Variants in PHF20L1 observed in about 807,000 individuals in gnomAD.
PHF20L1 encodes PHD finger protein 20 like 1, also known as PHD finger protein 20-like protein 1.
Under a neutral mutation model 125.5 loss-of-function variants are expected in PHF20L1, and 44 were observed. That is an observed-to-expected ratio of 0.35 (90% CI 0.28 to 0.45). The LOEUF is 0.45. Among genes scored for constraint, PHF20L1 ranks in the 20% least tolerant of loss-of-function variants. The pLI, the probability that PHF20L1 is intolerant of heterozygous loss-of-function variation, is 1.00. For synonymous variants in PHF20L1, 380 were observed against 403.1 expected (o/e 0.94, Z 0.69); for missense variants, 1,012 against 1,217.2 (o/e 0.83, Z 2.51).
At chr8:132,797,712 C>T (rs1162645141) in intron 4 of PHF20L1, among the ~76,000 whole-genome samples, 1 of 151,454 alleles carries the variant, frequency 6.6e-6, no homozygotes, top group Admixed American at 6.6e-5. Flanking sequence ...CAACGTTAGG[C>T]TAATTATAGA....
chr8:132,813,525 A>C (rs1264969924), intron 9 of PHF20L1, among the ~76,000 whole-genome samples: 1 of 152,002 alleles, frequency 6.6e-6, no homozygotes, highest in African/African-American at 2.4e-5. Flanking sequence ...CATATTCCAG[A>C]GAACTGCAGA....
intron 8 of PHF20L1, chr8:132,809,501 A>C (rs540784611): frequency 6.6e-6 from 1 of 152,170 alleles, no homozygotes; most frequent in Non-Finnish European, 1.5e-5. Context: ...ATTCCTACCT[A>C]GATCACTTAA....
chr8:132,794,652 T>C, intron 3 of PHF20L1, 71 bp downstream of exon 3: 1 of 1,498,564 alleles, frequency 6.7e-7, no homozygotes, highest in Non-Finnish European at 9.2e-7. Flanking sequence ...AGGATTCTGT[T>C]AAATTATACA....
intron 14 of PHF20L1, among the ~76,000 whole-genome samples, 195 bp downstream of exon 14, chr8:132,825,566 G>A (rs1252357420): frequency 6.6e-6 from 1 of 151,906 alleles, no homozygotes; most frequent in Non-Finnish European, 1.5e-5. Context: ...TATAATTGTT[G>A]CACTCTGGCC....
chr8:132,790,100 T>TA (rs1831501891), intron 2 of PHF20L1, among the ~76,000 whole-genome samples: 1 of 152,274 alleles, frequency 6.6e-6, no homozygotes, highest in South Asian at 2.1e-4. Context: ...ATTCAACCTT[T>TA]AAAAAATGAC....
In PHF20L1 at chr8:132,837,779, A is replaced by G. The variant is rs757524225; in HGVS notation, c.2159A>G (p.Gln720Arg). 8 of 1,613,006 alleles carry G rather than the reference A, an allele frequency of 5.0e-6. No individual in the cohort carries two copies. Among genetic ancestry groups the G allele is most frequent in the South Asian group, 3.3e-5 (3 of 91,074 alleles). Residue 720 changes from glutamine (Q) to arginine (R), a missense_variant, in exon 17 of 21, where the codon CAG becomes CGG. Gln to Arg is a conservative substitution (Grantham distance 43). This residue lies in a region of PHF20L1 where 55 missense variants were observed against 114.8 expected (regional missense o/e 0.48). Transcript: ENST00000395386. The stretch of plus-strand genomic sequence containing the variant: ...CTGCTGGAGGAGAGCATTCCAGAGC[A>G]GTACATCTGCTATATCTGCCGGGAC... ...MGLLEESIPE[Q>R]YICYICRDPP...
At chr8:132,834,919 T>C (rs921132643) in intron 15 of PHF20L1, among the ~76,000 whole-genome samples, 1 of 152,078 alleles carries the variant, frequency 6.6e-6, no homozygotes, top group African/African-American at 2.4e-5. Flanking sequence ...AAGAAAACTT[T>C]ATTTTTCTAT....
chr8:132,793,885 A>G (rs1048747108), intron 2 of PHF20L1, among the ~76,000 whole-genome samples: 3 of 152,140 alleles, frequency 2.0e-5, no homozygotes, highest in African/African-American at 4.8e-5. Flanking sequence ...TTACATATTT[A>G]TATTTATGCT....
Position 132,847,762 on chromosome 8 carries a change from T to G in PHF20L1, c.*1839T>G, listed in dbSNP as rs1368160220. On this transcript the variant is annotated 3_prime_UTR_variant, in exon 21 of 21. Coordinates refer to ENST00000395386, the MANE Select transcript of PHF20L1 (RefSeq NM_016018.5). ...ATTTACTTGTCATACTTTAACTTTG[T>G]GAAAGATCTTACTGATAAATGAAAA... 6.5e-6 allele frequency: 1 copy of G among 152,724 alleles called. No individual in the cohort carries two copies. Among genetic ancestry groups the G allele is most frequent in the East Asian group, 1.9e-4 (1 of 5,190 alleles). 9.5% of individuals were successfully genotyped at this position (152,724 alleles called of 1,614,324 possible). A position where few individuals can be genotyped will look rare whatever the true frequency, so the allele number is the denominator to read the frequency against.
intron 14 of PHF20L1, among the ~76,000 whole-genome samples, chr8:132,831,453 C>T (rs1048661445): frequency 6.6e-6 from 1 of 151,946 alleles, no homozygotes; most frequent in Non-Finnish European, 1.5e-5. Context: ...GGACTCATTA[C>T]AAAACTGAGA....
chr8:132,794,571 A>G lies in PHF20L1; in HGVS notation c.245A>G (p.Glu82Gly). The G allele has an allele frequency of 6.2e-7, 1 of 1,606,340 alleles. No homozygotes were observed. The highest frequency in any genetic ancestry group is 8.5e-7 in the Non-Finnish European group (1 of 1,176,556). ...ALRKEGLKDE[E>G]DFFDFKAGEE... ...AGAAAAGAAGGGCTAAAAGATGAGG[A>G]AGATTTCTTTGTAAGTAGCAAGTTT... Residue 82 changes from glutamate to glycine, a missense_variant, in exon 3 of 21, where the codon GAA becomes GGA. Coordinates refer to ENST00000395386, the MANE Select transcript of PHF20L1 (RefSeq NM_016018.5).
intron 2 of PHF20L1, among the ~76,000 whole-genome samples, chr8:132,793,298 G>A (rs1421251579): frequency 6.6e-6 from 1 of 152,084 alleles, no homozygotes; most frequent in Non-Finnish European, 1.5e-5. Flanking sequence ...GATCAAAGTG[G>A]GGTTGAATGT....
rs138322952 is a variant in PHF20L1, at chr8:132,804,646, C to G, written c.753C>G (p.Val251=). The change falls in exon 8 of 21, where the codon GTC becomes GTG. Residue 251 remains valine (V), a synonymous_variant. Transcript: ENST00000395386. ...GLHVENVPKM[V]FPQPESTLSN... Reference sequence around the variant, plus strand: ...ATGTAGAGAACGTTCCAAAGATGGTCTTTCCACAGCCAGAGAGCACATTAT... The same window carrying G: ...ATGTAGAGAACGTTCCAAAGATGGTGTTTCCACAGCCAGAGAGCACATTAT... The G allele has an allele frequency of 1.0e-4, 161 of 1,607,934 alleles. 1 individual carries two copies. In the African/African-American group the frequency reaches 1.8e-3, roughly 18 times the overall value.
At chr8:132,792,255 C>T (rs905329354) in intron 2 of PHF20L1, among the ~76,000 whole-genome samples, 6 of 152,076 alleles carry the variant, frequency 3.9e-5, no homozygotes, top group South Asian at 2.1e-4. Context: ...CAGTGGCTAG[C>T]GAATGTTGAA....
At chr8:132,812,917 A>G in intron 9 of PHF20L1, 2 of 972,954 alleles carry the variant, frequency 2.1e-6, no homozygotes, top group Non-Finnish European at 1.2e-6. Flanking sequence ...TGTGGTCTTG[A>G]ACCCCAATTC....
At chr8:132,778,414 C>G (rs1382871145) in intron 2 of PHF20L1, among the ~76,000 whole-genome samples, 1 of 152,198 alleles carries the variant, frequency 6.6e-6, no homozygotes, top group African/African-American at 2.4e-5. Context: ...AAACCAAAAT[C>G]ACACTTAACC....
At chr8:132,829,573 G>A (rs1836548040) in intron 14 of PHF20L1, among the ~76,000 whole-genome samples, 1 of 152,028 alleles carries the variant, frequency 6.6e-6, no homozygotes, top group East Asian at 1.9e-4. Context: ...GCTGCCCAAA[G>A]ACTGCTGTAA....
At position 132,799,177 on chromosome 8, in the gene PHF20L1, G is replaced by A. The variant is rs1346944244; in HGVS notation, c.507+5G>A. ...AACCAGTCTATGGGAAGTGAGGTAAGAGCCTTTTTTTTAAAAATTTTGTTT... is the reference window on the plus strand; with the variant it reads ...AACCAGTCTATGGGAAGTGAGGTAAAAGCCTTTTTTTTAAAAATTTTGTTT... On this transcript the variant is annotated splice_donor_5th_base_variant and intron_variant, in intron 6 of 20. Coordinates refer to ENST00000395386, the MANE Select transcript of PHF20L1 (RefSeq NM_016018.5). 6.3e-7 allele frequency: 1 copy of A among 1,586,194 alleles called. No individual in the cohort carries two copies.
chr8:132,838,224 G>A (rs1237119425), intron 17 of PHF20L1: 1 of 173,488 alleles, frequency 5.8e-6, no homozygotes, highest in Admixed American at 5.5e-5. Context: ...CCTACTGGAA[G>A]GGAAGAGGTG....
Sources: allele counts gnomAD v4.1 joint callset (sites outside exome capture counted in the v4.1 genomes callset), GRCh38; gene constraint gnomAD v4.1.1; regional missense constraint gnomAD v4.1.1; transcripts MANE v1.5; gene names NCBI Gene and HGNC (gene_info 2026-07-23, HGNC 2026-07-21).